PHKA2: variants seen among roughly 807,000 people sequenced by gnomAD.
The protein encoded by PHKA2 is phosphorylase kinase regulatory subunit alpha 2.
In PHKA2, 31 loss-of-function variants were observed where a neutral mutation model predicts 102.0. The observed-to-expected ratio is 0.30, with a 90% confidence interval of 0.23 to 0.41. PHKA2 has a LOEUF of 0.41. Ranked by LOEUF, PHKA2 falls within the 10% of genes least tolerant of loss-of-function variation. The probability of loss-of-function intolerance (pLI) is 1.00; values close to 1 mark genes in which losing one functional copy is unlikely to be tolerated. For synonymous variants in PHKA2, 455 were observed against 416.2 expected (o/e 1.09, Z -1.13); for missense variants, 858 against 1,023.1 (o/e 0.84, Z 2.20).
At chrX:18,903,962 C>G (rs749010060) in intron 26 of PHKA2, among the ~76,000 whole-genome samples, 54 of 112,070 alleles carry the variant, frequency 4.8e-4, no homozygotes, top group African/African-American at 1.7e-3. Context: ...TCCCGGCCAC[C>G]TGCACCGCAC....
At chrX:18,897,097 C>A in intron 30 of PHKA2, 66 bp downstream of exon 30, 1 of 1,141,838 alleles carries the variant, frequency 8.8e-7, no homozygotes, top group South Asian at 1.8e-5. Context: ...CCTGGAGGTG[C>A]CACCATGCCT....
At chrX:18,899,042 G>A (rs761457922) in intron 29 of PHKA2, 131 bp downstream of exon 29, 4 of 567,624 alleles carry the variant, frequency 7.0e-6, no homozygotes, top group Admixed American at 2.6e-5. Context: ...CCAGTTGGAG[G>A]AGCCTGTGAG....
At position 18,906,810 on chromosome X, in the gene PHKA2, G is replaced by C; in HGVS notation, c.2602C>G (p.Leu868Val). Residue 868 changes from leucine to valine, a missense_variant, in exon 24 of 33, where the codon CTT becomes GTT. By Grantham distance (32) the Leu-to-Val change is conservative. Transcript: ENST00000379942. The stretch of plus-strand genomic sequence containing the variant: ...AGTTTTGTGAGCTCCTCTGGGGGAA[G>C]GGGCCTAGAAAGGAGCATTGTGTCA... ...EPREKIISAP[L>V]PPEELTKLIY... 1 of 1,208,131 alleles carries C rather than the reference G, an allele frequency of 8.3e-7. No individual in the cohort carries two copies.
chrX:18,960,916 C>T lies in PHKA2; in HGVS notation c.79-6504G>A, dbSNP rs1458692664. Among the ~76,000 whole-genome samples, 25 of 112,492 alleles carry T rather than the reference C, an allele frequency of 2.2e-4. No homozygotes were observed. The Admixed American group carries it at 2.2e-3, about 10-fold the overall frequency. On this transcript the variant is annotated intron_variant, in intron 1 of 32. Coordinates refer to ENST00000379942, the MANE Select transcript of PHKA2 (RefSeq NM_000292.3). ...TAGAAATAGATCCACATGAATAGGG[C>T]AAACTGATTTTTGACAAAGATCTAA...
intron 1 of PHKA2, among the ~76,000 whole-genome samples, chrX:18,974,421 A>C (rs914045421): frequency 8.9e-6 from 1 of 111,899 alleles, no homozygotes; most frequent in Non-Finnish European, 1.9e-5. Context: ...GTCAACTCTT[A>C]GTCCTGATGC....
intron 1 of PHKA2, among the ~76,000 whole-genome samples, chrX:18,981,253 G>A (rs2049167965): frequency 9.0e-6 from 1 of 111,166 alleles, no homozygotes; most frequent in South Asian, 3.8e-4. Context: ...TGGGCGCATG[G>A]CATTTCCCGG....
At chrX:18,905,633 T>C (rs1339442340) in intron 26 of PHKA2, 125 bp downstream of exon 26, 2 of 564,330 alleles carry the variant, frequency 3.5e-6, no homozygotes, top group Non-Finnish European at 6.4e-6. Flanking sequence ...TAGGACTCTG[T>C]CCATCTCCTT....
chrX:18,941,641 G>A lies in PHKA2; in HGVS notation c.752C>T (p.Thr251Ile). Residue 251 changes from threonine (T) to isoleucine (I), a missense_variant, in exon 8 of 33, where the codon ACA (threonine) becomes ATA (isoleucine). This residue lies in a region of PHKA2 where 187 missense variants were observed against 277.9 expected (regional missense o/e 0.67). Coordinates refer to ENST00000379942, the MANE Select transcript of PHKA2 (RefSeq NM_000292.3). ...AAGTCCAGCATCAATTTCTTTAGAT[G>A]TCGACGCTCTTGGCAGCATGGAGAA... ...ILFSMLPRAS[T>I]SKEIDAGLLS... 8.5e-7 allele frequency: 1 copy of A among 1,169,808 alleles called. No homozygotes were observed. Among genetic ancestry groups the A allele is most frequent in the Non-Finnish European group, 1.2e-6 (1 of 856,655 alleles).
intron 17 of PHKA2, among the ~76,000 whole-genome samples, chrX:18,920,913 G>T (rs1364176888): frequency 8.9e-6 from 1 of 112,404 alleles, no homozygotes; most frequent in Non-Finnish European, 1.9e-5. Flanking sequence ...CCCTCCCTCA[G>T]AGTTATCAGC....
intron 17 of PHKA2, among the ~76,000 whole-genome samples, chrX:18,920,820 A>G (rs2048103605): frequency 1.8e-5 from 2 of 112,364 alleles, no homozygotes; most frequent in African/African-American, 6.5e-5. Context: ...CTGCAGGTCC[A>G]ACCCCACACG....
intron 8 of PHKA2, among the ~76,000 whole-genome samples, chrX:18,941,211 A>AT (rs1046915262): frequency 6.4e-5 from 7 of 109,901 alleles, no homozygotes; most frequent in Non-Finnish European, 1.1e-4. Flanking sequence ...GGACATATGC[A>AT]TTTTTTTTTC....
intron 19 of PHKA2, among the ~76,000 whole-genome samples, chrX:18,916,019 C>G (rs949981657): frequency 1.8e-5 from 2 of 111,875 alleles, no homozygotes; most frequent in African/African-American, 6.5e-5. Flanking sequence ...TGAAAACACA[C>G]CCAGATAGAG....
intron 4 of PHKA2, among the ~76,000 whole-genome samples, chrX:18,949,582 T>C (rs1200025190): frequency 8.9e-6 from 1 of 112,310 alleles, no homozygotes; most frequent in East Asian, 2.8e-4. Flanking sequence ...AAATTAATTA[T>C]GGTATACCCA....
intron 4 of PHKA2, among the ~76,000 whole-genome samples, chrX:18,949,949 A>T (rs1210725812): frequency 8.9e-6 from 1 of 112,445 alleles, no homozygotes; most frequent in Non-Finnish European, 1.9e-5. Context: ...AATGAATGGG[A>T]GGCCTCAGAC....
At chrX:18,907,784 G>C in intron 22 of PHKA2, 116 bp downstream of exon 22, 1 of 817,764 alleles carries the variant, frequency 1.2e-6, no homozygotes, top group African/African-American at 2.0e-5. Context: ...TCCACCTGTG[G>C]GTTAAAGAAT....
At chrX:18,931,551 C>T in intron 12 of PHKA2, 90 bp downstream of exon 12, 1 of 652,797 alleles carries the variant, frequency 1.5e-6, no homozygotes, top group Non-Finnish European at 2.6e-6. Context: ...CATCCACACG[C>T]ACGCCTGGCA....
At chrX:18,930,367 C>T (rs1377779118) in intron 12 of PHKA2, among the ~76,000 whole-genome samples, 2 of 111,220 alleles carry the variant, frequency 1.8e-5, no homozygotes, top group Non-Finnish European at 3.8e-5. Flanking sequence ...TTTGAATATG[C>T]ACCTCCTTGC....
At chrX:18,973,393 CTTT>C (rs1257261759) in intron 1 of PHKA2, among the ~76,000 whole-genome samples, 1 of 109,411 alleles carries the variant, frequency 9.1e-6, no homozygotes, top group Non-Finnish European at 1.9e-5. Context: ...TGTTTTTCTT[CTTT>C]ATTAATGTGG....
intron 1 of PHKA2, among the ~76,000 whole-genome samples, chrX:18,982,408 T>C (rs1323843708): frequency 8.9e-6 from 1 of 112,551 alleles, no homozygotes; most frequent in Non-Finnish European, 1.9e-5. Context: ...AATAACCTGT[T>C]TGATGAAGGG....
Sources: allele counts gnomAD v4.1 joint callset (sites outside exome capture counted in the v4.1 genomes callset), GRCh38; gene constraint gnomAD v4.1.1; regional missense constraint gnomAD v4.1.1; transcripts MANE v1.5; gene names NCBI Gene and HGNC (gene_info 2026-07-23, HGNC 2026-07-21).